Variants in TRPV1 observed in about 807,000 individuals in gnomAD.
TRPV1 encodes transient receptor potential cation channel subfamily V member 1, also known as OTRPC1.
Under a neutral mutation model 82.3 loss-of-function variants are expected in TRPV1, and 82 were observed. The observed-to-expected ratio is 1.00, with a 90% CI of 0.83 to 1.20. The LOEUF is 1.20. Ranked by LOEUF, TRPV1 falls within the 50% of genes most tolerant of loss-of-function variation. The pLI, the probability that TRPV1 is intolerant of heterozygous loss-of-function variation, is 0.00. For missense variants in TRPV1, 1,067 were observed against 1,096.8 expected, an observed-to-expected ratio of 0.97 and a Z score of 0.38; for synonymous variants, 515 against 467.7, an observed-to-expected ratio of 1.10 and a Z score of -1.30.
Position 3,581,081 on chromosome 17 carries a change from A to G in TRPV1, c.1477-554T>C, listed in dbSNP as rs576979919. 1.1e-3 allele frequency among the ~76,000 whole-genome samples: 171 copies of G among 152,110 alleles called. 1 individual carries two copies. Among genetic ancestry groups the G allele is most frequent in the Non-Finnish European group, 1.4e-3 (96 of 68,036 alleles). On this transcript the variant is annotated intron_variant, in intron 10 of 16. Coordinates refer to ENST00000572705, the MANE Select transcript of TRPV1 (RefSeq NM_080704.4). Reference sequence around the variant, plus strand: ...TACCCAGAAGTACAGACAGGAAGGAAAATCATTAAAATGTTATCAGTTGCT... The same window carrying G: ...TACCCAGAAGTACAGACAGGAAGGAGAATCATTAAAATGTTATCAGTTGCT...
At position 3,577,952 on chromosome 17, in the gene TRPV1, TG is replaced by T. The variant is rs1355876508; in HGVS notation, c.1548-190del. ...AGCATCGTCCCCAAGGAGCAGAAATTGGCTTGGTGAGGAGCTGTGCAAAATC... is the reference window on the plus strand; with the variant it reads ...AGCATCGTCCCCAAGGAGCAGAAATTGCTTGGTGAGGAGCTGTGCAAAATC... On this transcript the variant is annotated intron_variant, in intron 11 of 16. Coordinates refer to ENST00000572705, the MANE Select transcript of TRPV1 (RefSeq NM_080704.4). The T allele has an allele frequency of 6.8e-6, 4 of 585,464 alleles. No homozygotes were observed. The East Asian group carries it at 1.1e-4, about 17-fold the overall frequency. 36.3% of individuals were successfully genotyped at this position (585,464 alleles called of 1,614,324 possible).
chr17:3,588,281 G>A lies in TRPV1; in HGVS notation c.1131C>T (p.Pro377=), dbSNP rs758831607. 8.9e-6 allele frequency: 14 copies of A among 1,578,526 alleles called. No individual in the cohort carries two copies. Among genetic ancestry groups the A allele is most frequent in the African/African-American group, 1.4e-5 (1 of 73,982 alleles). ...ACAGGTCGTACAGCGAGGAGTGCAC[G>A]GGCCCGTAGGCCCACTCGGTGAACT... ...SRKFTEWAYG[P]VHSSLYDLSC... Residue 377 remains proline, a synonymous_variant, in exon 8 of 17, where the codon CCC becomes CCT. Coordinates refer to ENST00000572705, the MANE Select transcript of TRPV1 (RefSeq NM_080704.4).
At chr17:3,599,946 T>C (rs2075249378) in intron 2 of TRPV1, among the ~76,000 whole-genome samples, 1 of 152,162 alleles carries the variant, frequency 6.6e-6, no homozygotes, top group African/African-American at 2.4e-5. Context: ...CTGAGTAATA[T>C]TCCACTGGGG....
At chr17:3,567,369 C>CAAAA (rs56391405) in intron 16 of TRPV1, among the ~76,000 whole-genome samples, 13 of 52,782 alleles carry the variant, frequency 2.5e-4, no homozygotes, top group African/African-American at 3.0e-4. Context: ...AACTCCGTCT[C>CAAAA]AAAAAAAAAA....
At chr17:3,598,610 G>C (rs983872215) in intron 2 of TRPV1, among the ~76,000 whole-genome samples, 1 of 143,578 alleles carries the variant, frequency 7.0e-6, no homozygotes, top group Non-Finnish European at 1.5e-5. Flanking sequence ...CTGTCTCCCA[G>C]GCTGGAATGC....
intron 2 of TRPV1, among the ~76,000 whole-genome samples, chr17:3,598,964 C>T (rs1161989334): frequency 8.0e-5 from 12 of 150,628 alleles, no homozygotes; most frequent in East Asian, 7.9e-4. Context: ...AAAGGCCGGG[C>T]GCGGTGGCTC....
intron 2 of TRPV1, among the ~76,000 whole-genome samples, chr17:3,605,000 A>G (rs2075287866): frequency 6.6e-6 from 1 of 152,066 alleles, no homozygotes; most frequent in Admixed American, 6.6e-5. Context: ...TTCCATTCAC[A>G]CTATGACCAA....
chr17:3,592,228 G>C lies in TRPV1; in HGVS notation c.123C>G (p.Ser41=). ...AGAGCCGGGTGCGGCTCTTGGCCGT[G>C]GAGAGCTGGGGCTTGGCTGGAGGTG... ...SRPPPAKPQL[S]TAKSRTRLFG... The change falls in exon 3 of 17, where the codon TCC becomes TCG. Residue 41 remains serine, a synonymous_variant. Transcript: ENST00000572705. The C allele has an allele frequency of 6.2e-7, 1 of 1,611,784 alleles. No homozygotes were observed. Among genetic ancestry groups the C allele is most frequent in the South Asian group, 1.1e-5 (1 of 90,682 alleles).
At chr17:3,600,618 C>T (rs2075254234) in intron 2 of TRPV1, among the ~76,000 whole-genome samples, 1 of 152,134 alleles carries the variant, frequency 6.6e-6, no homozygotes, top group Admixed American at 6.6e-5. Flanking sequence ...AAACAAAAGA[C>T]AGCACCATTT....
chr17:3,570,442 G>T (rs1406496787), intron 16 of TRPV1, among the ~76,000 whole-genome samples: 1 of 151,658 alleles, frequency 6.6e-6, no homozygotes, highest in East Asian at 1.9e-4. Context: ...TGTACTTAAT[G>T]ACACTAAACT....
At chr17:3,600,558 C>A (rs531383196) in intron 2 of TRPV1, among the ~76,000 whole-genome samples, 5 of 152,268 alleles carry the variant, frequency 3.3e-5, no homozygotes, top group Admixed American at 3.3e-4. Flanking sequence ...CACTGTACTC[C>A]AGCCCGGGCT....
intron 9 of TRPV1, among the ~76,000 whole-genome samples, chr17:3,584,471 G>T (rs2318103): frequency 2.0e-5 from 3 of 149,770 alleles, no homozygotes; most frequent in Admixed American, 6.7e-5. Context: ...GACAGAAATC[G>T]GGTTTCATGC....
intron 10 of TRPV1, among the ~76,000 whole-genome samples, chr17:3,582,851 T>TCAGGAGGCTGAGG (rs60876781): frequency 0.3 from 45,904 of 150,556 alleles, 8,978 homozygotes; most frequent in East Asian, 0.77. Flanking sequence ...TCCCAGCTAC[T>TCAGGAGGCTGAGG]CAGGAGAATT....
intron 2 of TRPV1, among the ~76,000 whole-genome samples, chr17:3,596,566 G>A (rs543057680): frequency 1.3e-4 from 20 of 152,200 alleles, no homozygotes; most frequent in African/African-American, 3.1e-4. Context: ...GAAAACCTCC[G>A]GCCACACACC....
intron 16 of TRPV1, among the ~76,000 whole-genome samples, chr17:3,568,323 AAAAAAAAAAAAAAAG>A (rs1460917535): frequency 1.4e-5 from 2 of 147,356 alleles, no homozygotes; most frequent in African/African-American, 4.9e-5. Flanking sequence ...CTCCGTCTCA[AAAAAAAAAAAAAAAG>A]AAAAGAAAAG....
intron 8 of TRPV1, among the ~76,000 whole-genome samples, chr17:3,586,891 C>G (rs773646162): frequency 6.6e-6 from 1 of 152,190 alleles, no homozygotes; most frequent in African/African-American, 2.4e-5. Flanking sequence ...CAAACTTAAG[C>G]TCCCTCAAAG....
At position 3,591,237 on chromosome 17, in the gene TRPV1, A is replaced by T; in HGVS notation, c.401T>A (p.Leu134Gln). 6.2e-7 allele frequency: 1 copy of T among 1,613,214 alleles called. No homozygotes were observed. Among genetic ancestry groups the T allele is most frequent in the Non-Finnish European group, 8.5e-7 (1 of 1,179,748 alleles). The change falls in exon 4 of 17, where the codon CTG (leucine) becomes CAG (glutamine). Residue 134 changes from leucine to glutamine, a missense_variant. Coordinates refer to ENST00000572705, the MANE Select transcript of TRPV1 (RefSeq NM_080704.4). ...QNNCQDLESLLLFLQKSKKHL... is the reference protein window; with the variant it reads ...QNNCQDLESLQLFLQKSKKHL... ...CTTCTTGCTCTTCTGCAGGAAGAGCAGCAGGCTCTCCAGATCCTGGCAGTT... is the reference window on the plus strand; with the variant it reads ...CTTCTTGCTCTTCTGCAGGAAGAGCTGCAGGCTCTCCAGATCCTGGCAGTT...
chr17:3,601,031 C>T (rs958209637), intron 2 of TRPV1, among the ~76,000 whole-genome samples: 5 of 152,052 alleles, frequency 3.3e-5, no homozygotes, highest in Admixed American at 6.5e-5. Flanking sequence ...CCCCTCCCCC[C>T]AGCATAACCC....
chr17:3,576,097 C>T (rs1042098437), intron 13 of TRPV1, among the ~76,000 whole-genome samples: 1 of 151,662 alleles, frequency 6.6e-6, no homozygotes, highest in African/African-American at 2.4e-5. Context: ...TGGCGGGCAT[C>T]TGTAATCCCA....
Sources: gnomAD v4.1 joint callset for allele counts (sites outside exome capture counted in the v4.1 genomes callset) on GRCh38, gnomAD v4.1.1 for gene constraint, MANE v1.5 for transcripts, NCBI Gene and HGNC (gene_info 2026-07-23, HGNC 2026-07-21) for gene names.